GGH: variants seen among roughly 807,000 people sequenced by gnomAD.
GGH encodes gamma-glutamyl hydrolase.
Under a neutral mutation model 39.2 loss-of-function variants are expected in GGH, and 18 were observed. The ratio of observed to expected loss-of-function variants is 0.46; its 90% CI spans 0.32 to 0.68. The LOEUF (loss-of-function observed/expected upper bound fraction) is 0.68, where lower values mean the gene tolerates loss of function less well. Ranked by LOEUF, GGH falls within the 30% of genes least tolerant of loss-of-function variation. GGH has a pLI of 0.04. For missense variants in GGH, 367 were observed against 384.1 expected, an observed-to-expected ratio of 0.96 and a Z score of 0.37; for synonymous variants, 147 against 138.8, an observed-to-expected ratio of 1.06 and a Z score of -0.42.
At chr8:63,017,945 C>T (rs995645141) in intron 7 of GGH, 3 of 213,136 alleles carry the variant, frequency 1.4e-5, no homozygotes, top group African/African-American at 2.3e-5. Flanking sequence ...ATTGGTGATA[C>T]AAGTTTCTTC....
chr8:63,017,753 A>G (rs752125946), intron 7 of GGH, 123 bp from the exon 8 acceptor site: 92 of 589,200 alleles, frequency 1.6e-4, no homozygotes, highest in Non-Finnish European at 2.5e-4. Flanking sequence ...GTAAAATTGT[A>G]CATATTCTCT....
At chr8:63,025,963 T>A (rs1398656143) in intron 5 of GGH, among the ~76,000 whole-genome samples, 195 bp downstream of exon 5, 2 of 152,222 alleles carry the variant, frequency 1.3e-5, no homozygotes, top group African/African-American at 4.8e-5. Context: ...TAAGTCATCC[T>A]CATAAATGAG....
chr8:63,024,073 G>A lies in GGH; in HGVS notation c.606+7C>T. On this transcript the variant is annotated splice_region_variant and intron_variant, in intron 6 of 8. Transcript: ENST00000260118. ...ATATTAATTTCATTGTGTAATTAGT[G>A]TGATACCTTCACGGAGAGGCTCCAC... 1.3e-6 allele frequency: 2 copies of A among 1,570,652 alleles called. No individual in the cohort carries two copies. The highest frequency in any genetic ancestry group is 1.8e-6 in the Non-Finnish European group (2 of 1,141,046).
intron 8 of GGH, among the ~76,000 whole-genome samples, chr8:63,016,304 A>G (rs145517435): frequency 2.6e-5 from 4 of 152,200 alleles, no homozygotes; most frequent in African/African-American, 9.6e-5. Flanking sequence ...TTGGACTAAT[A>G]CTGTATATGG....
chr8:63,020,598 G>A (rs984096629), intron 7 of GGH, among the ~76,000 whole-genome samples: 5 of 152,168 alleles, frequency 3.3e-5, no homozygotes, highest in Non-Finnish European at 7.3e-5. Flanking sequence ...GGTTTTTCGA[G>A]ATGGCTAAGA....
At chr8:63,022,024 C>A (rs2129646062) in intron 7 of GGH, among the ~76,000 whole-genome samples, 1 of 152,164 alleles carries the variant, frequency 6.6e-6, no homozygotes, top group East Asian at 1.9e-4. Flanking sequence ...CACAGCTTTA[C>A]TTTATATAAG....
At chr8:63,028,711 A>G (rs1471442552) in intron 3 of GGH, among the ~76,000 whole-genome samples, 1 of 152,182 alleles carries the variant, frequency 6.6e-6, no homozygotes, top group Non-Finnish European at 1.5e-5. Context: ...CAATGCAGAA[A>G]ACGAGTGAGG....
chr8:63,034,171 C>T (rs1015786758), intron 2 of GGH, among the ~76,000 whole-genome samples: 1 of 151,698 alleles, frequency 6.6e-6, no homozygotes. Flanking sequence ...GCCTCTTCCT[C>T]AGCTCTAAAA....
At chr8:63,037,111 C>T (rs1039586903) in intron 1 of GGH, among the ~76,000 whole-genome samples, 4 of 152,210 alleles carry the variant, frequency 2.6e-5, no homozygotes, top group Admixed American at 6.5e-5. Flanking sequence ...GAGCTGTTGT[C>T]TGTATTACTC....
chr8:63,021,968 C>A (rs1417676803), intron 7 of GGH, among the ~76,000 whole-genome samples: 1 of 152,138 alleles, frequency 6.6e-6, no homozygotes, highest in Non-Finnish European at 1.5e-5. Flanking sequence ...GCCACCATGC[C>A]CAGACCTCAT....
At chr8:63,032,603 A>G (rs189321757) in intron 2 of GGH, among the ~76,000 whole-genome samples, 2 of 152,192 alleles carry the variant, frequency 1.3e-5, no homozygotes, top group Non-Finnish European at 2.9e-5. Context: ...TCTAAACCAC[A>G]GAAGTTGACT....
At chr8:63,034,594 T>C (rs1454660697) in intron 2 of GGH, among the ~76,000 whole-genome samples, 2 of 152,208 alleles carry the variant, frequency 1.3e-5, no homozygotes, top group African/African-American at 4.8e-5. Flanking sequence ...GGTTGTTAGC[T>C]CCTTCCAGAT....
intron 2 of GGH, 52 bp downstream of exon 2, chr8:63,035,604 C>T (rs1367012519): frequency 7.4e-5 from 116 of 1,569,076 alleles, no homozygotes; most frequent in Non-Finnish European, 9.0e-5. Flanking sequence ...CGCACCCGTA[C>T]GCAGCAATTT....
chr8:63,020,858 GCACTTCAGCAGAC>G (rs1804572455), intron 7 of GGH, among the ~76,000 whole-genome samples: 1 of 152,162 alleles, frequency 6.6e-6, no homozygotes, highest in Non-Finnish European at 1.5e-5. Context: ...TATCAGACTG[GCACTTCAGCAGAC>G]CACGAGTGGG....
rs1804774505 is a variant in GGH, at chr8:63,030,052, T to TAAAAA, written c.275+114_275+115insTTTTT. ...AAAAGAACTCAGAACACTAATACTA[T>TAAAAA]ACCACTCTAAGACAGTTACATAGAA... is the stretch of plus-strand genomic sequence containing the variant. On this transcript the variant is annotated intron_variant, in intron 3 of 8. Transcript: ENST00000260118. 3 of 556,494 alleles carry TAAAAA rather than the reference T, an allele frequency of 5.4e-6. No homozygotes were observed. The African/African-American group carries it at 5.6e-5, about 10-fold the overall frequency. 34.5% of individuals were successfully genotyped at this position (556,494 alleles called of 1,614,324 possible). A position where few individuals can be genotyped will look rare whatever the true frequency, so the allele number is the denominator to read the frequency against.
At chr8:63,022,775 C>T (rs898018009) in intron 7 of GGH, among the ~76,000 whole-genome samples, 5 of 151,796 alleles carry the variant, frequency 3.3e-5, no homozygotes, top group African/African-American at 9.7e-5. Context: ...TGATCCGCCC[C>T]GGCCTCCCAA....
At chr8:63,037,596 T>C (rs1332301721) in intron 1 of GGH, among the ~76,000 whole-genome samples, 2 of 152,230 alleles carry the variant, frequency 1.3e-5, no homozygotes, top group Admixed American at 6.5e-5. Context: ...TAGTCGGTAC[T>C]CAGTTAACGA....
intron 2 of GGH, among the ~76,000 whole-genome samples, chr8:63,033,805 T>C (rs957529486): frequency 6.6e-6 from 1 of 151,870 alleles, no homozygotes; most frequent in Admixed American, 6.6e-5. Flanking sequence ...CCAGCATCTA[T>C]TGCTGCCATC....
chr8:63,030,548 T>C (rs1804783985), intron 2 of GGH, among the ~76,000 whole-genome samples: 3 of 152,180 alleles, frequency 2.0e-5, no homozygotes, highest in South Asian at 4.1e-4. Flanking sequence ...CAAAAAGAAA[T>C]GTAAGAATAT....
Sources: gnomAD v4.1 joint callset for allele counts (sites outside exome capture counted in the v4.1 genomes callset) on GRCh38, gnomAD v4.1.1 for gene constraint, MANE v1.5 for transcripts, NCBI Gene and HGNC (gene_info 2026-07-23, HGNC 2026-07-21) for gene names.